The following DLG2 variants were observed in gnomAD, a reference collection of about 807,000 sequenced individuals.
DLG2 encodes the protein disks large homolog 2.
In DLG2, 45 loss-of-function variants were observed where a neutral mutation model predicts 132.5. That is an observed-to-expected ratio of 0.34 (90% CI 0.27 to 0.44). The LOEUF (loss-of-function observed/expected upper bound fraction) is 0.44, where lower values mean the gene tolerates loss of function less well. DLG2 is among the 20% of genes least tolerant of loss of function. The probability of loss-of-function intolerance (pLI) is 1.00; values close to 1 mark genes in which losing one functional copy is unlikely to be tolerated. For synonymous variants in DLG2, 424 were observed against 419.6 expected, an observed-to-expected ratio of 1.01 and a Z score of -0.13; for missense variants, 1,045 against 1,196.9, an observed-to-expected ratio of 0.87 and a Z score of 1.87.
chr11:84,447,164 C>T (rs1351839293), intron 7 of DLG2, among the ~76,000 whole-genome samples: 1 of 152,116 alleles, frequency 6.6e-6, no homozygotes, highest in Non-Finnish European at 1.5e-5. Context: ...CAGACCACCA[C>T]CATCATTATT....
At chr11:84,373,265 C>CAAAAAAAAAAAAAAAAAAAACAAAA (rs59038372) in intron 7 of DLG2, among the ~76,000 whole-genome samples, 2 of 98,050 alleles carry the variant, frequency 2.0e-5, no homozygotes, top group Non-Finnish European at 3.6e-5. Flanking sequence ...AAAAAAAAAA[C>CAAAAAAAAAAAAAAAAAAAACAAAA]AAAACAAAAA....
intron 3 of DLG2, among the ~76,000 whole-genome samples, chr11:85,569,027 T>TTTTG (rs762038256): frequency 1.3e-5 from 2 of 152,112 alleles, no homozygotes; most frequent in Admixed American, 6.6e-5. Flanking sequence ...CTTCTTTCTT[T>TTTTG]TTTGTTTGTT....
At chr11:85,515,950 A>G (rs2094160940) in intron 3 of DLG2, among the ~76,000 whole-genome samples, 1 of 152,114 alleles carries the variant, frequency 6.6e-6, no homozygotes, top group South Asian at 2.1e-4. Context: ...AAGTAAGGTT[A>G]TGTAATTTGT....
intron 3 of DLG2, among the ~76,000 whole-genome samples, chr11:85,518,568 CA>C (rs1565624023): frequency 6.6e-6 from 1 of 152,146 alleles, no homozygotes; most frequent in Non-Finnish European, 1.5e-5. Flanking sequence ...GGAAGCAGAG[CA>C]CAAAAGTTTG....
At chr11:83,630,202 G>C (rs969380145) in intron 19 of DLG2, among the ~76,000 whole-genome samples, 4 of 152,088 alleles carry the variant, frequency 2.6e-5, no homozygotes, top group African/African-American at 9.7e-5. Context: ...CAAAATTTCA[G>C]GTAAACAAAT....
intron 4 of DLG2, among the ~76,000 whole-genome samples, chr11:85,196,506 G>A (rs2081079931): frequency 6.6e-6 from 1 of 152,186 alleles, no homozygotes; most frequent in African/African-American, 2.4e-5. Context: ...GATTTCCATA[G>A]TGTAAATAGT....
At chr11:84,970,690 A>AG (rs1228908615) in intron 6 of DLG2, among the ~76,000 whole-genome samples, 1 of 152,220 alleles carries the variant, frequency 6.6e-6, no homozygotes, top group Non-Finnish European at 1.5e-5. Context: ...ACAAGCATTC[A>AG]GATCATAGCA....
intron 6 of DLG2, among the ~76,000 whole-genome samples, chr11:84,970,311 T>C (rs2154114164): frequency 6.6e-6 from 1 of 152,298 alleles, no homozygotes; most frequent in South Asian, 2.1e-4. Flanking sequence ...TCTACTCCTC[T>C]TCCTTTTCTC....
intron 6 of DLG2, among the ~76,000 whole-genome samples, chr11:84,653,033 G>T (rs2099684003): frequency 6.6e-6 from 1 of 151,450 alleles, no homozygotes; most frequent in East Asian, 2.0e-4. Context: ...CCGGGTCCAA[G>T]TGATTCCTGC....
intron 3 of DLG2, among the ~76,000 whole-genome samples, chr11:85,310,948 T>C (rs1342877754): frequency 6.6e-6 from 1 of 152,198 alleles, no homozygotes. Context: ...CTTGATTCTA[T>C]GCTGTTATTT....
At chr11:84,982,019 T>C (rs1194361615) in intron 6 of DLG2, among the ~76,000 whole-genome samples, 1 of 152,162 alleles carries the variant, frequency 6.6e-6, no homozygotes, top group African/African-American at 2.4e-5. Context: ...TGGCAATACT[T>C]TCTACATTTT....
At chr11:84,139,165 T>G (rs1381334429) in intron 9 of DLG2, among the ~76,000 whole-genome samples, 1 of 152,186 alleles carries the variant, frequency 6.6e-6, no homozygotes, top group Non-Finnish European at 1.5e-5. Flanking sequence ...TCTCCCCTTC[T>G]ACCTTTAATC....
intron 19 of DLG2, among the ~76,000 whole-genome samples, chr11:83,562,247 T>C (rs1008280373): frequency 3.3e-5 from 5 of 152,000 alleles, no homozygotes; most frequent in Non-Finnish European, 7.3e-5. Context: ...TGACTCTTTA[T>C]ATACACTCTT....
intron 19 of DLG2, among the ~76,000 whole-genome samples, chr11:83,582,148 G>C (rs1455608143): frequency 3.3e-5 from 5 of 151,710 alleles, no homozygotes; most frequent in Non-Finnish European, 7.4e-5. Context: ...TAGAGGCGGG[G>C]TTTCTCCATG....
At position 83,965,438 on chromosome 11, in the gene DLG2, G is replaced by A. The variant is rs1233561517; in HGVS notation, c.1087C>T (p.His363Tyr). 1 of 1,610,910 alleles carries A rather than the reference G, an allele frequency of 6.2e-7. No homozygotes were observed. The highest frequency in any genetic ancestry group is 8.5e-7 in the Non-Finnish European group (1 of 1,178,084). The change falls in exon 13 of 28, where the codon CAC becomes TAC. Residue 363 changes from histidine (H) to tyrosine (Y), a missense_variant. His to Tyr is a moderately conservative substitution (Grantham distance 83, BLOSUM62 2). Around this residue, in one of 4 missense-constraint regions of DLG2, gnomAD observed 261 missense variants for 256.1 expected, o/e 1.02. Transcript: ENST00000376104. The stretch of plus-strand genomic sequence containing the variant: ...TTTAATATTGCTACTGCCTCTTCGT[G>A]TGTTACTTCTTCTAAACTGTAGTTG... ...VNNYSLEEVT[H>Y]EEAVAILKNT...
At chr11:85,623,271 C>T (rs1461951603) in intron 2 of DLG2, among the ~76,000 whole-genome samples, 1 of 151,948 alleles carries the variant, frequency 6.6e-6, no homozygotes, top group Non-Finnish European at 1.5e-5. Context: ...AGACAAACTT[C>T]TACACCAGTT....
At chr11:83,644,073 T>A (rs1384129107) in intron 18 of DLG2, among the ~76,000 whole-genome samples, 1 of 152,170 alleles carries the variant, frequency 6.6e-6, no homozygotes, top group African/African-American at 2.4e-5. Flanking sequence ...CCCAATATAC[T>A]GCTCAAATGA....
chr11:84,714,191 T>C (rs376598337), intron 6 of DLG2, among the ~76,000 whole-genome samples: 26 of 71,756 alleles, frequency 3.6e-4, no homozygotes, highest in African/African-American at 1.7e-3. Flanking sequence ...AAAAAAAACA[T>C]ATACCAAAAT....
intron 15 of DLG2, among the ~76,000 whole-genome samples, chr11:83,910,738 G>A (rs1256449329): frequency 6.6e-6 from 1 of 152,062 alleles, no homozygotes; most frequent in African/African-American, 2.4e-5. Flanking sequence ...TTAACTTAGA[G>A]AAAAATGTGG....
Sources: gnomAD v4.1 joint callset for allele counts (sites outside exome capture counted in the v4.1 genomes callset) on GRCh38, gnomAD v4.1.1 for gene constraint, gnomAD v4.1.1 regional missense constraint, MANE v1.5 for transcripts, NCBI Gene and HGNC (gene_info 2026-07-23, HGNC 2026-07-21) for gene names.